BCO1: variants seen among roughly 807,000 people sequenced by gnomAD.
The protein encoded by BCO1 is beta,beta-carotene 15,15'-dioxygenase.
In BCO1, 54 loss-of-function variants were observed where a neutral mutation model predicts 56.3. The observed-to-expected ratio is 0.96, with a 90% CI of 0.77 to 1.20. BCO1 has a LOEUF of 1.20. BCO1 is among the 50% of genes most tolerant of loss of function. The pLI, the probability that BCO1 is intolerant of heterozygous loss-of-function variation, is 0.00. For synonymous variants in BCO1, 318 were observed against 266.1 expected (o/e 1.20, Z -1.90); for missense variants, 801 against 690.9 (o/e 1.16, Z -1.79).
In BCO1 at chr16:81,285,572, A is replaced by C. The variant is rs1270810593; in HGVS notation, c.1240A>C (p.Asn414His). The change falls in exon 9 of 11, where the codon AAT becomes CAT. Residue 414 changes from asparagine to histidine, a missense_variant. Coordinates refer to ENST00000258168, the MANE Select transcript of BCO1 (RefSeq NM_017429.3). Reference protein sequence around the residue: ...LELPRVNYAHNGKQYRYVFAT... With the variant: ...LELPRVNYAHHGKQYRYVFAT... ...GCTTCCACGGGTCAATTATGCTCAC[A>C]ATGGAAAGCAATACCGATATGTCTT... The C allele has an allele frequency of 1.2e-6, 2 of 1,613,860 alleles. No individual in the cohort carries two copies. The highest frequency in any genetic ancestry group is 1.7e-6 in the Non-Finnish European group (2 of 1,179,752).
At chr16:81,245,657 A>G in intron 2 of BCO1, 54 bp downstream of exon 2, 9 of 1,611,004 alleles carry the variant, frequency 5.6e-6, no homozygotes, top group Non-Finnish European at 7.6e-6. Context: ...CCCCAAATGC[A>G]GTGCCTTAAA....
intron 7 of BCO1, 140 bp from the exon 8 acceptor site, chr16:81,280,717 C>A: frequency 1.5e-6 from 1 of 689,084 alleles, no homozygotes; most frequent in Non-Finnish European, 2.5e-6. Context: ...CAACAGGAAA[C>A]GAGCTGCTTC....
intron 8 of BCO1, among the ~76,000 whole-genome samples, chr16:81,285,052 C>T (rs1325190576): frequency 6.7e-6 from 1 of 150,352 alleles, no homozygotes; most frequent in East Asian, 2.0e-4. Context: ...GTTGGCCAGG[C>T]TGGTCTCAAA....
rs1908414813 is a variant in BCO1, at chr16:81,290,667, C to T, written c.*90C>T. The T allele has an allele frequency of 9.7e-7, 1 of 1,032,266 alleles. No individual in the cohort carries two copies. Among genetic ancestry groups the T allele is most frequent in the South Asian group, 1.4e-5 (1 of 71,672 alleles). 63.9% of individuals were successfully genotyped at this position (1,032,266 alleles called of 1,614,324 possible). A position where few individuals can be genotyped will look rare whatever the true frequency, so the allele number is the denominator to read the frequency against. On this transcript the variant is annotated 3_prime_UTR_variant, in exon 11 of 11. Transcript: ENST00000258168. ...GGATGGAGGGGAGGGCCTTTGTTAC[C>T]TTTTGCACTTATTCTTTCTGTGGGT...
chr16:81,244,362 C>T (rs911143465), intron 1 of BCO1, among the ~76,000 whole-genome samples: 5 of 151,494 alleles, frequency 3.3e-5, no homozygotes, highest in Middle Eastern at 3.4e-3. Context: ...TATATTTTAA[C>T]ACAACAAATC....
rs142920164 is a variant in BCO1 at position 81,257,289 on chromosome 16, G to T, written c.194-2387G>T. On this transcript the variant is annotated intron_variant, in intron 2 of 10. Coordinates refer to ENST00000258168, the MANE Select transcript of BCO1 (RefSeq NM_017429.3). ...TTTTGTTTATTTGTTTTTTGAGACG[G>T]GGTCTCGCTCTGTCGTCCAGGCTAT... is the stretch of plus-strand genomic sequence containing the variant. Among the ~76,000 whole-genome samples the T allele has an allele frequency of 6.5e-3, 991 of 152,098 alleles. 9 individuals are homozygous for T. The highest frequency in any genetic ancestry group is 0.023 in the African/African-American group (945 of 41,524).
In BCO1 at chr16:81,255,313, G is replaced by C. The variant is rs150825786; in HGVS notation, c.194-4363G>C. ...GACTCCAGATTACCACTCGCTAGCTGTGTGGCTTAACACAAGCTGCTTAAC... is the reference window on the plus strand; with the variant it reads ...GACTCCAGATTACCACTCGCTAGCTCTGTGGCTTAACACAAGCTGCTTAAC... On this transcript the variant is annotated intron_variant, in intron 2 of 10. Transcript: ENST00000258168. Among the ~76,000 whole-genome samples, 489 of 152,266 alleles carry C rather than the reference G, an allele frequency of 3.2e-3. 1 individual carries two copies. Among genetic ancestry groups the C allele is most frequent in the African/African-American group, 0.011 (451 of 41,556 alleles).
rs10607036 is a variant in BCO1 at position 81,280,324 on chromosome 16, G to GAC, written c.1102-507_1102-506dup. ...AAAAAAAAAATTACACACACACACA[G>GAC]ACACACACACACACACACACACACA... On this transcript the variant is annotated intron_variant, in intron 7 of 10. Coordinates refer to ENST00000258168, the MANE Select transcript of BCO1 (RefSeq NM_017429.3). Among the ~76,000 whole-genome samples, 150 of 113,432 alleles carry GAC rather than the reference G, an allele frequency of 1.3e-3. 6 individuals carry two copies. The highest frequency in any genetic ancestry group is 3.3e-3 in the African/African-American group (109 of 33,440). 74.4% of individuals were successfully genotyped at this position (113,432 alleles called of 152,430 possible).
chr16:81,246,850 C>CAAAAAAAAA lies in BCO1; in HGVS notation c.193+1257_193+1265dup, dbSNP rs71710906. On this transcript the variant is annotated intron_variant, in intron 2 of 10. Coordinates refer to ENST00000258168, the MANE Select transcript of BCO1 (RefSeq NM_017429.3). ...TGGGAGACAGAGCCAGACTTTGTCTCAAAAAAAAAAAAAAAAAAGAAGAGT... is the reference window on the plus strand; with the variant it reads ...TGGGAGACAGAGCCAGACTTTGTCTCAAAAAAAAAAAAAAAAAAAAAAAAAAAGAAGAGT... Among the ~76,000 whole-genome samples the CAAAAAAAAA allele has an allele frequency of 6.7e-4, 56 of 83,316 alleles. 3 individuals carry two copies. The highest frequency in any genetic ancestry group is 2.1e-3 in the African/African-American group (50 of 23,876). The allele number at this position is 83,316 out of a possible 152,430, so 54.7% of individuals were successfully genotyped here. A position where few individuals can be genotyped will look rare whatever the true frequency, so the allele number is the denominator to read the frequency against.
chr16:81,273,439 C>T (rs1192063415), intron 7 of BCO1, among the ~76,000 whole-genome samples: 20 of 152,076 alleles, frequency 1.3e-4, no homozygotes, highest in Admixed American at 6.5e-4. Context: ...CCACCCTTAC[C>T]GCCCAGTTTC....
intron 9 of BCO1, among the ~76,000 whole-genome samples, chr16:81,286,161 A>G (rs1208372974): frequency 6.6e-6 from 1 of 152,074 alleles, no homozygotes; most frequent in African/African-American, 2.4e-5. Flanking sequence ...GTGCTGGATT[A>G]CAGCCTCGAG....
chr16:81,264,596 T>A, intron 4 of BCO1, 44 bp from the exon 5 acceptor site: 1 of 1,605,662 alleles, frequency 6.2e-7, no homozygotes, highest in South Asian at 1.1e-5. Context: ...TGCAGGTTGA[T>A]TATCGTAAAT....
Position 81,259,698 on chromosome 16 carries a change from A to G in BCO1, c.216A>G (p.Lys72=). Residue 72 remains lysine (K), a synonymous_variant, in exon 3 of 11, where the codon AAA becomes AAG. Transcript: ENST00000258168. ...CAGGTGAAGTCTATTACAGGAGCAA[A>G]TACCTGAGAAGCGATACCTACAACA... ...IRDGEVYYRS[K]YLRSDTYNTN... 7 of 1,614,198 alleles carry G rather than the reference A, an allele frequency of 4.3e-6. No homozygotes were observed. Among genetic ancestry groups the G allele is most frequent in the Non-Finnish European group, 5.9e-6 (7 of 1,180,028 alleles).
At chr16:81,262,836 CAAAA>C (rs1157316912) in intron 4 of BCO1, 6,197 of 112,836 alleles carry the variant, frequency 0.055, 268 homozygotes, top group African/African-American at 0.15. Flanking sequence ...CAAACAAAAA[CAAAA>C]AAAAAAAAAA....
intron 1 of BCO1, among the ~76,000 whole-genome samples, chr16:81,239,528 G>A (rs1905021705): frequency 6.6e-6 from 1 of 152,144 alleles, no homozygotes; most frequent in African/African-American, 2.4e-5. Flanking sequence ...ATGCCCCAGT[G>A]GGTACATAGA....
chr16:81,268,201 G>A (rs909199031), intron 6 of BCO1, 70 bp downstream of exon 6: 8 of 1,447,030 alleles, frequency 5.5e-6, no homozygotes, highest in Non-Finnish European at 7.7e-6. Context: ...GTGCAGGAGG[G>A]TGAAGTTTAA....
chr16:81,270,684 C>CTGTGTGTG (rs1907142334), intron 7 of BCO1, among the ~76,000 whole-genome samples: 1 of 54,012 alleles, frequency 1.9e-5, no homozygotes, highest in Admixed American at 2.4e-4. Context: ...CAGTCTCTCT[C>CTGTGTGTG]TCTGTGTCTG....
At chr16:81,260,327 A>C (rs1906406591) in intron 3 of BCO1, among the ~76,000 whole-genome samples, 1 of 151,022 alleles carries the variant, frequency 6.6e-6, no homozygotes, top group Admixed American at 6.6e-5. Flanking sequence ...AAAAAAAGGA[A>C]GGTGTAGAAA....
Position 81,270,429 on chromosome 16 carries a change from A to G in BCO1, c.1101+13A>G. The G allele has an allele frequency of 6.2e-7, 1 of 1,613,974 alleles. No individual in the cohort carries two copies. Among genetic ancestry groups the G allele is most frequent in the Non-Finnish European group, 8.5e-7 (1 of 1,180,016 alleles). On this transcript the variant is annotated intron_variant, in intron 7 of 10. Transcript: ENST00000258168. ...CCACGTGGACAAGGTAATGGCTTCC[A>G]AGGAGGTCCCTTTTCTTTCTAGAGA...
Sources: gnomAD v4.1 joint callset for allele counts (sites outside exome capture counted in the v4.1 genomes callset) on GRCh38, gnomAD v4.1.1 for gene constraint, MANE v1.5 for transcripts, NCBI Gene and HGNC (gene_info 2026-07-23, HGNC 2026-07-21) for gene names.